NTRK3: variants seen among roughly 807,000 people sequenced by gnomAD.
NTRK3 encodes neurotrophic receptor tyrosine kinase 3.
A neutral mutation model predicts 91.7 loss-of-function variants in NTRK3; 24 were observed. That is an observed-to-expected ratio of 0.26 (90% CI 0.19 to 0.37). The LOEUF is 0.37. Among genes scored for constraint, NTRK3 ranks in the 10% least tolerant of loss-of-function variants. The pLI is 1.00. For synonymous variants in NTRK3, 483 were observed against 404.0 expected (o/e 1.20, Z -2.34); for missense variants, 880 against 1,068.9 (o/e 0.82, Z 2.46).
intron 13 of NTRK3, among the ~76,000 whole-genome samples, chr15:88,116,910 C>G (rs1164881929): frequency 1.3e-5 from 2 of 152,212 alleles, no homozygotes; most frequent in Non-Finnish European, 2.9e-5. Flanking sequence ...GGGGTAAACC[C>G]TAGGCAACTG....
At chr15:88,029,219 T>G (rs2078308527) in intron 14 of NTRK3, among the ~76,000 whole-genome samples, 1 of 152,182 alleles carries the variant, frequency 6.6e-6, no homozygotes, top group South Asian at 2.1e-4. Context: ...ATTCCGCTCT[T>G]TCGGAATCCC....
At chr15:88,048,450 C>A (rs1022567569) in intron 13 of NTRK3, among the ~76,000 whole-genome samples, 2 of 152,172 alleles carry the variant, frequency 1.3e-5, no homozygotes, top group Admixed American at 6.5e-5. Context: ...TATCTTTGAG[C>A]CCCATCACTT....
intron 3 of NTRK3, among the ~76,000 whole-genome samples, chr15:88,190,653 A>C (rs1399288172): frequency 6.6e-6 from 1 of 152,136 alleles, no homozygotes; most frequent in African/African-American, 2.4e-5. Context: ...TATCCTCTGC[A>C]GCCTCTTGGA....
At chr15:87,979,547 G>C (rs2074019784) in intron 14 of NTRK3, 2 of 888,758 alleles carry the variant, frequency 2.3e-6, no homozygotes, top group Non-Finnish European at 3.6e-6. Flanking sequence ...AAAACTAGGA[G>C]GGGAAATAGA....
At chr15:87,876,718 T>TAA in exon 19 of NTRK3, 1 of 155,262 alleles carries the variant, frequency 6.4e-6, no homozygotes, top group Non-Finnish European at 1.4e-5. Flanking sequence ...GATATATAAA[T>TAA]ATATATATAT....
chr15:88,100,029 T>A (rs2050012509), intron 13 of NTRK3, among the ~76,000 whole-genome samples: 1 of 152,138 alleles, frequency 6.6e-6, no homozygotes, highest in Non-Finnish European at 1.5e-5. Flanking sequence ...AACTACAGAT[T>A]GTTTAAGCTT....
At chr15:87,899,075 T>C (rs1047069096) in intron 17 of NTRK3, among the ~76,000 whole-genome samples, 30 of 152,130 alleles carry the variant, frequency 2.0e-4, no homozygotes, top group African/African-American at 5.6e-4. Flanking sequence ...AGCCCAGTCA[T>C]TGGGATGAAT....
At chr15:88,038,218 C>A (rs1174632244) in intron 13 of NTRK3, among the ~76,000 whole-genome samples, 2 of 152,094 alleles carry the variant, frequency 1.3e-5, no homozygotes, top group South Asian at 4.1e-4. Flanking sequence ...TTCATCATGT[C>A]TTCTGATGTA....
chr15:88,015,338 C>T (rs1409920144), intron 14 of NTRK3, among the ~76,000 whole-genome samples: 3 of 152,142 alleles, frequency 2.0e-5, no homozygotes, highest in Non-Finnish European at 4.4e-5. Context: ...ACAAGACCTG[C>T]TCCCTCCACC....
At chr15:88,208,995 G>T (rs2049019637) in intron 3 of NTRK3, among the ~76,000 whole-genome samples, 1 of 152,188 alleles carries the variant, frequency 6.6e-6, no homozygotes, top group Non-Finnish European at 1.5e-5. Flanking sequence ...GTGGGACCAG[G>T]TACTGCCCAC....
chr15:88,220,848 A>G (rs915181172), intron 3 of NTRK3, among the ~76,000 whole-genome samples: 4 of 152,238 alleles, frequency 2.6e-5, no homozygotes, highest in African/African-American at 7.2e-5. Flanking sequence ...GGAAGTGATC[A>G]TGGCAGAAAG....
At chr15:87,935,439 T>C (rs1295847417) in intron 15 of NTRK3, among the ~76,000 whole-genome samples, 3 of 152,080 alleles carry the variant, frequency 2.0e-5, no homozygotes, top group Admixed American at 2.0e-4. Flanking sequence ...ACAAAGACAT[T>C]TGAGAAGTCA....
intron 14 of NTRK3, among the ~76,000 whole-genome samples, chr15:87,967,446 G>A (rs1205967053): frequency 6.6e-6 from 1 of 152,174 alleles, no homozygotes; most frequent in African/African-American, 2.4e-5. Flanking sequence ...GTGCCAGAGT[G>A]TCTAAACTTA....
chr15:88,106,701 G>A (rs1259890750), intron 13 of NTRK3, among the ~76,000 whole-genome samples: 2 of 151,180 alleles, frequency 1.3e-5, no homozygotes, highest in African/African-American at 2.5e-5. Flanking sequence ...GGAGGCCAAG[G>A]GGGAACGGAT....
At chr15:88,134,208 C>T (rs2151182014) in intron 10 of NTRK3, among the ~76,000 whole-genome samples, 1 of 152,294 alleles carries the variant, frequency 6.6e-6, no homozygotes, top group East Asian at 1.9e-4. Context: ...AAGCACCAAG[C>T]TCAGCAAAGA....
intron 14 of NTRK3, among the ~76,000 whole-genome samples, chr15:87,976,609 T>A (rs2073738915): frequency 6.6e-6 from 1 of 152,126 alleles, no homozygotes; most frequent in African/African-American, 2.4e-5. Context: ...CAGGGAGCAT[T>A]TCAACTCTTC....
chr15:87,974,496 G>A (rs1401478794), intron 14 of NTRK3, among the ~76,000 whole-genome samples: 1 of 151,684 alleles, frequency 6.6e-6, no homozygotes, highest in East Asian at 2.0e-4. Context: ...ATATCCTAAG[G>A]ATCAGGTTGG....
chr15:88,176,121 G>A (rs953971790), intron 5 of NTRK3, among the ~76,000 whole-genome samples: 1 of 147,900 alleles, frequency 6.8e-6, no homozygotes, highest in Non-Finnish European at 1.5e-5. Flanking sequence ...TGTAATATTT[G>A]CCTATATGCC....
At chr15:88,086,685 A>G (rs1432787006) in intron 13 of NTRK3, among the ~76,000 whole-genome samples, 1 of 152,212 alleles carries the variant, frequency 6.6e-6, no homozygotes, top group African/African-American at 2.4e-5. Context: ...CAATAAAATC[A>G]GAATGTCTAG....
Sources: allele counts gnomAD v4.1 joint callset (sites outside exome capture counted in the v4.1 genomes callset), GRCh38; gene constraint gnomAD v4.1.1; transcripts MANE v1.5; gene names NCBI Gene and HGNC (gene_info 2026-07-23, HGNC 2026-07-21).